The following KHDRBS2 variants were observed in gnomAD, a reference collection of about 807,000 sequenced individuals.
KHDRBS2 encodes the protein KH RNA binding domain containing, signal transduction associated 2.
A neutral mutation model predicts 44.3 loss-of-function variants in KHDRBS2; 26 were observed. That is an observed-to-expected ratio of 0.59 (90% CI 0.43 to 0.81). The LOEUF (loss-of-function observed/expected upper bound fraction) is 0.81. Ranked by LOEUF, KHDRBS2 falls within the 40% of genes least tolerant of loss-of-function variation. The pLI, the probability that KHDRBS2 is intolerant of heterozygous loss-of-function variation, is 0.00. For missense variants in KHDRBS2, 476 were observed against 433.1 expected, an observed-to-expected ratio of 1.10 and a Z score of -0.88; for synonymous variants, 194 against 151.1, an observed-to-expected ratio of 1.28 and a Z score of -2.08.
intron 6 of KHDRBS2, among the ~76,000 whole-genome samples, chr6:61,843,494 A>T (rs1185261803): frequency 2.0e-5 from 3 of 151,642 alleles, no homozygotes; most frequent in Non-Finnish European, 4.4e-5. Context: ...CCTCCCGAGT[A>T]GCTGGGATTA....
At chr6:62,107,545 T>A (rs891248462) in intron 2 of KHDRBS2, among the ~76,000 whole-genome samples, 2 of 152,072 alleles carry the variant, frequency 1.3e-5, no homozygotes, top group African/African-American at 4.8e-5. Flanking sequence ...TTCAATGCCA[T>A]CCCCATCAAG....
chr6:61,999,161 A>G (rs761042151), intron 3 of KHDRBS2, among the ~76,000 whole-genome samples: 2 of 152,068 alleles, frequency 1.3e-5, no homozygotes, highest in Admixed American at 1.3e-4. Flanking sequence ...TTGACCTAAC[A>G]AATGACCTGA....
intron 6 of KHDRBS2, among the ~76,000 whole-genome samples, chr6:61,879,879 T>C (rs1310959779): frequency 6.6e-6 from 1 of 151,860 alleles, no homozygotes; most frequent in East Asian, 1.9e-4. Context: ...CATAGTATTA[T>C]ATATTTATAT....
chr6:62,067,607 G>T (rs981880196), intron 2 of KHDRBS2, among the ~76,000 whole-genome samples: 1 of 151,414 alleles, frequency 6.6e-6, no homozygotes, highest in Admixed American at 6.6e-5. Flanking sequence ...CATAAAATTA[G>T]TTCATTAAAA....
chr6:62,023,705 T>C (rs1402277514), intron 3 of KHDRBS2, among the ~76,000 whole-genome samples: 1 of 151,454 alleles, frequency 6.6e-6, no homozygotes, highest in Non-Finnish European at 1.5e-5. Context: ...CATAACACTT[T>C]GCATCATCAT....
chr6:61,965,206 G>T (rs1264567766), intron 4 of KHDRBS2, among the ~76,000 whole-genome samples: 1 of 152,010 alleles, frequency 6.6e-6, no homozygotes, highest in Non-Finnish European at 1.5e-5. Context: ...TGTGCCAGGG[G>T]CCAATTTCAG....
chr6:61,897,711 GTCTC>G (rs113407645), intron 5 of KHDRBS2, among the ~76,000 whole-genome samples: 142 of 148,516 alleles, frequency 9.6e-4, no homozygotes, highest in Non-Finnish European at 1.3e-3. Flanking sequence ...CTCTGTCTCT[GTCTC>G]TCTCTCTCTC....
intron 3 of KHDRBS2, among the ~76,000 whole-genome samples, chr6:62,004,751 G>A (rs1221486834): frequency 6.6e-6 from 1 of 152,108 alleles, no homozygotes; most frequent in Non-Finnish European, 1.5e-5. Flanking sequence ...GAACATTGAT[G>A]CAAAAATCCT....
chr6:61,992,826 T>C (rs1037373461), intron 3 of KHDRBS2, among the ~76,000 whole-genome samples: 5 of 152,194 alleles, frequency 3.3e-5, no homozygotes, highest in Non-Finnish European at 5.9e-5. Context: ...TCTTAAATAT[T>C]GCAACGTCTT....
At chr6:61,734,969 C>G (rs1417060173) in intron 6 of KHDRBS2, among the ~76,000 whole-genome samples, 3 of 152,136 alleles carry the variant, frequency 2.0e-5, no homozygotes, top group African/African-American at 4.8e-5. Context: ...CCTCTTTCAC[C>G]ATTGTTGGTA....
intron 6 of KHDRBS2, among the ~76,000 whole-genome samples, chr6:61,832,341 T>C (rs547707270): frequency 2.3e-4 from 35 of 152,316 alleles, no homozygotes; most frequent in African/African-American, 8.4e-4. Flanking sequence ...CACCTAATCA[T>C]GGTTTGGAGT....
At chr6:61,592,681 GT>G in the KHDRBS2 span, among the ~76,000 whole-genome samples, 12 of 150,974 alleles carry the variant, frequency 7.9e-5, no homozygotes, top group South Asian at 2.1e-4. Flanking sequence ...AAATATTTTT[GT>G]TTTTTTTTAG....
chr6:61,757,008 A>G (rs1250990506), intron 6 of KHDRBS2, among the ~76,000 whole-genome samples: 1 of 152,182 alleles, frequency 6.6e-6, no homozygotes, highest in Non-Finnish European at 1.5e-5. Flanking sequence ...AACTCAACGT[A>G]ATTATTTGGA....
chr6:61,979,966 A>G (rs1354030038), intron 3 of KHDRBS2, among the ~76,000 whole-genome samples: 1 of 152,128 alleles, frequency 6.6e-6, no homozygotes, highest in African/African-American at 2.4e-5. Flanking sequence ...AGAATTTCCT[A>G]GGGAACTGAA....
chr6:61,978,025 G>T (rs1162590744), intron 4 of KHDRBS2, 41 bp downstream of exon 4: 14 of 1,514,860 alleles, frequency 9.2e-6, no homozygotes, highest in Non-Finnish European at 9.8e-6. Flanking sequence ...TAAAATAGAA[G>T]CTGATAAGAA....
chr6:61,814,535 G>T (rs1239082200), intron 6 of KHDRBS2, among the ~76,000 whole-genome samples: 2 of 151,948 alleles, frequency 1.3e-5, no homozygotes, highest in Non-Finnish European at 2.9e-5. Flanking sequence ...TGACCAGGGA[G>T]TTGGAGGTTG....
In KHDRBS2 at chr6:62,225,456, G is replaced by A. The variant is rs558097745; in HGVS notation, c.92-48144C>T. 2.1e-4 allele frequency among the ~76,000 whole-genome samples: 32 copies of A among 152,246 alleles called. No homozygotes were observed. The South Asian group carries it at 6.0e-3, about 29-fold the overall frequency. The stretch of plus-strand genomic sequence containing the variant: ...TAAATTATAAATCTGACAAATGGAA[G>A]AAACATGATTATGATATCAATTTGG... On this transcript the variant is annotated intron_variant, in intron 1 of 8. Coordinates refer to ENST00000281156, the MANE Select transcript of KHDRBS2 (RefSeq NM_152688.4).
chr6:61,589,659 G>A, the KHDRBS2 span, among the ~76,000 whole-genome samples: 1 of 152,090 alleles, frequency 6.6e-6, no homozygotes, highest in Non-Finnish European at 1.5e-5. Context: ...CAAGTTAAGG[G>A]TGCAAGGACT....
At chr6:61,938,869 A>G (rs1238581858) in intron 4 of KHDRBS2, among the ~76,000 whole-genome samples, 1 of 152,192 alleles carries the variant, frequency 6.6e-6, no homozygotes, top group Non-Finnish European at 1.5e-5. Flanking sequence ...GTGCAAATAT[A>G]AAGATGTTGC....
Sources: gnomAD v4.1 joint callset for allele counts (sites outside exome capture counted in the v4.1 genomes callset) on GRCh38, gnomAD v4.1.1 for gene constraint, MANE v1.5 for transcripts, NCBI Gene and HGNC (gene_info 2026-07-23, HGNC 2026-07-21) for gene names.